Variants in NREP observed in about 807,000 individuals in gnomAD.
NREP encodes neuronal regeneration-related protein.
Under a neutral mutation model 8.6 loss-of-function variants are expected in NREP, and 5 were observed. The ratio of observed to expected loss-of-function variants is 0.58; its 90% confidence interval spans 0.30 to 1.22. The LOEUF (loss-of-function observed/expected upper bound fraction) is 1.22, where lower values mean the gene tolerates loss of function less well. Ranked by LOEUF, NREP falls within the 50% of genes most tolerant of loss-of-function variation. NREP has a pLI of 0.07. For synonymous variants in NREP, 27 were observed against 28.0 expected (o/e 0.96, Z 0.11); for missense variants, 86 against 82.5 (o/e 1.04, Z -0.17).
intron 2 of NREP, among the ~76,000 whole-genome samples, chr5:111,838,535 TAGAA>T (rs1752950259): frequency 1.3e-5 from 2 of 152,126 alleles, no homozygotes. Context: ...ATTAAATGAA[TAGAA>T]AGAATTTAAG....
At chr5:111,862,910 G>A (rs1753582844) in intron 2 of NREP, among the ~76,000 whole-genome samples, 1 of 150,442 alleles carries the variant, frequency 6.6e-6, no homozygotes, top group East Asian at 1.9e-4. Flanking sequence ...GACACAAGAG[G>A]AGGTTTGCTG....
upstream of NREP, chr5:111,758,322 C>G (rs752122799): frequency 1.1e-6 from 1 of 907,586 alleles, no homozygotes; most frequent in Non-Finnish European, 1.3e-6. Flanking sequence ...TTCTCCTTCC[C>G]TATACGCTCC....
At chr5:111,733,662 C>T (rs762254888) in intron 3 of NREP, 8 of 152,140 alleles carry the variant, frequency 5.3e-5, no homozygotes, top group Non-Finnish European at 1.0e-4. Flanking sequence ...AAAAAAAGTT[C>T]ATCCATGGGA....
intron 2 of NREP, among the ~76,000 whole-genome samples, chr5:111,777,208 A>G (rs1231163467): frequency 1.3e-5 from 2 of 152,172 alleles, no homozygotes; most frequent in African/African-American, 4.8e-5. Context: ...TGGATGGTAC[A>G]TAATTAATAT....
chr5:111,920,514 C>G (rs544370842), intron 2 of NREP, among the ~76,000 whole-genome samples: 1 of 152,132 alleles, frequency 6.6e-6, no homozygotes, highest in Non-Finnish European at 1.5e-5. Flanking sequence ...ATCAAGGACA[C>G]AGACACTCCA....
At chr5:111,897,734 TAA>T (rs768709574) in intron 2 of NREP, among the ~76,000 whole-genome samples, 4 of 152,150 alleles carry the variant, frequency 2.6e-5, no homozygotes, top group East Asian at 3.8e-4. Flanking sequence ...CTATTATTAA[TAA>T]GTCTCTCTTT....
chr5:111,766,613 C>T (rs926914561), intron 2 of NREP, among the ~76,000 whole-genome samples: 23 of 152,306 alleles, frequency 1.5e-4, no homozygotes, highest in African/African-American at 5.1e-4. Flanking sequence ...AATCTCTCTT[C>T]TTGGGTCCTC....
At chr5:111,863,089 G>C (rs911785666) in intron 2 of NREP, among the ~76,000 whole-genome samples, 1 of 151,902 alleles carries the variant, frequency 6.6e-6, no homozygotes, top group Non-Finnish European at 1.5e-5. Flanking sequence ...TTCAAGAGGA[G>C]CAAGAATTAA....
chr5:111,975,365 T>C (rs1756933100), exon 2 of NREP: 3 of 1,551,636 alleles, frequency 1.9e-6, no homozygotes, highest in East Asian at 2.4e-5. Context: ...TCGTGTTTCA[T>C]CTTCTCTTCG....
At chr5:111,770,569 T>G (rs950651648) in intron 2 of NREP, among the ~76,000 whole-genome samples, 1 of 121,270 alleles carries the variant, frequency 8.2e-6, no homozygotes, top group Admixed American at 7.9e-5. Flanking sequence ...TTTTTTTTTT[T>G]TTTTTTTTTT....
intron 2 of NREP, among the ~76,000 whole-genome samples, chr5:111,866,491 G>A (rs1389349753): frequency 6.6e-6 from 1 of 152,124 alleles, no homozygotes; most frequent in Non-Finnish European, 1.5e-5. Context: ...AAAAAGTCAG[G>A]AAACAACAGG....
rs531304369 is a variant in NREP at position 111,854,263 on chromosome 5, G to A, written c.136-118756C>T. 2.2e-4 allele frequency among the ~76,000 whole-genome samples: 34 copies of A among 152,206 alleles called. 1 individual carries two copies. The South Asian group carries it at 2.5e-3, about 11-fold the overall frequency. ...CTGGCCACAAGCTTTTTAATTTGAG[G>A]GGCTCAGCAGTTCTTCATGCTGAGA... On this transcript the variant is annotated intron_variant, in intron 2 of 3. Transcript: ENST00000395634.
chr5:111,852,409 C>G (rs1362324338), intron 2 of NREP, among the ~76,000 whole-genome samples: 1 of 152,162 alleles, frequency 6.6e-6, no homozygotes, highest in African/African-American at 2.4e-5. Flanking sequence ...GGGGCGCAGT[C>G]TCAAATACTG....
chr5:111,935,359 C>T (rs1382034878), intron 2 of NREP, among the ~76,000 whole-genome samples: 1 of 152,026 alleles, frequency 6.6e-6, no homozygotes, highest in Non-Finnish European at 1.5e-5. Flanking sequence ...ACCAATGGAC[C>T]TGAAGGGCCA....
intron 2 of NREP, among the ~76,000 whole-genome samples, chr5:111,910,264 C>A (rs17133879): frequency 9.9e-5 from 15 of 151,878 alleles, no homozygotes; most frequent in African/African-American, 3.4e-4. Flanking sequence ...TAGTCTTTGA[C>A]GTGGAAGCAT....
chr5:111,870,403 C>T (rs150734862), intron 2 of NREP, among the ~76,000 whole-genome samples: 1 of 152,146 alleles, frequency 6.6e-6, no homozygotes, highest in African/African-American at 2.4e-5. Context: ...GCACTCCAGC[C>T]TGGTTAAAAG....
At position 111,755,569 on chromosome 5, in the gene NREP, G is replaced by A. The variant is rs1750647486; in HGVS notation, c.3+201C>T. 4.8e-6 allele frequency: 3 copies of A among 622,488 alleles called. No homozygotes were observed. In the East Asian group the frequency reaches 7.6e-5, roughly 16 times the overall value. 38.6% of individuals were successfully genotyped at this position (622,488 alleles called of 1,614,324 possible). A position where few individuals can be genotyped will look rare whatever the true frequency, so the allele number is the denominator to read the frequency against. ...AGTTTTCTATTCAAAATAATTGCAAGTCAAAGAACTAATTTGCCACATCCA... is the reference window on the plus strand; with the variant it reads ...AGTTTTCTATTCAAAATAATTGCAAATCAAAGAACTAATTTGCCACATCCA... On this transcript the variant is annotated intron_variant, in intron 2 of 3. Coordinates refer to ENST00000257435, the MANE Select transcript of NREP (RefSeq NM_004772.4).
At chr5:111,809,739 CTT>C (rs1327163956) in intron 2 of NREP, among the ~76,000 whole-genome samples, 1 of 152,132 alleles carries the variant, frequency 6.6e-6, no homozygotes, top group African/African-American at 2.4e-5. Context: ...CTAAATAAAC[CTT>C]TTTTTAAAAT....
chr5:111,769,141 G>T (rs187183701), intron 2 of NREP, among the ~76,000 whole-genome samples: 130 of 152,142 alleles, frequency 8.5e-4, no homozygotes, highest in Admixed American at 2.4e-3. Flanking sequence ...GATACATCAA[G>T]CATCAGTTTA....
Sources: gnomAD v4.1 joint callset for allele counts (sites outside exome capture counted in the v4.1 genomes callset) on GRCh38, gnomAD v4.1.1 for gene constraint, MANE v1.5 for transcripts, NCBI Gene and HGNC (gene_info 2026-07-23, HGNC 2026-07-21) for gene names.